EPSTI1: variants seen among roughly 807,000 people sequenced by gnomAD.
EPSTI1 encodes epithelial stromal interaction 1.
In EPSTI1, 66 loss-of-function variants were observed where a neutral mutation model predicts 49.9. The ratio of observed to expected loss-of-function variants is 1.32; its 90% CI spans 1.08 to 1.62. The LOEUF (loss-of-function observed/expected upper bound fraction) is 1.62, where lower values mean the gene tolerates loss of function less well. Among genes scored for constraint, EPSTI1 ranks in the 40% most tolerant of loss-of-function variants. The pLI is 0.00. For missense variants in EPSTI1, 394 were observed against 365.5 expected (o/e 1.08, Z -0.64); for synonymous variants, 137 against 130.7 (o/e 1.05, Z -0.33).
chr13:42,888,773 C>T (rs1276495130), intron 10 of EPSTI1, among the ~76,000 whole-genome samples: 1 of 152,062 alleles, frequency 6.6e-6, no homozygotes, highest in African/African-American at 2.4e-5. Context: ...ACAGAGGTGA[C>T]AAATATACAG....
At position 42,888,498 on chromosome 13, in the gene EPSTI1, A is replaced by G; in HGVS notation, c.920T>C (p.Ile307Thr). ...WNMNSGNSWGI is the reference protein window; with the variant it reads ...WNMNSGNSWGT ...CAGATAGGAGTCAATATTTTCTCAT[A>G]TACCCTGGAAGAAAAAGAAAACAAA... Residue 307 changes from isoleucine (I) to threonine (T), a missense_variant, in exon 11 of 11, where the codon ATA becomes ACA. By Grantham distance (89) the Ile-to-Thr change is moderately conservative. Transcript: ENST00000313624. 6.2e-7 allele frequency: 1 copy of G among 1,601,006 alleles called. No individual in the cohort carries two copies. The highest frequency in any genetic ancestry group is 8.5e-7 in the Non-Finnish European group (1 of 1,173,248).
At chr13:42,973,480 C>T (rs1025490891) in intron 1 of EPSTI1, among the ~76,000 whole-genome samples, 3 of 152,118 alleles carry the variant, frequency 2.0e-5, no homozygotes, top group Non-Finnish European at 4.4e-5. Flanking sequence ...TTATAATAGT[C>T]CCAAGAAAGC....
chr13:42,965,685 C>G (rs111618243), intron 3 of EPSTI1, among the ~76,000 whole-genome samples: 49 of 3,818 alleles, frequency 0.013, 6 homozygotes, highest in African/African-American at 0.039. Context: ...CCCTGTCCCT[C>G]TCCCTCTCCC....
intron 10 of EPSTI1, among the ~76,000 whole-genome samples, chr13:42,894,648 G>A (rs2037133565): frequency 6.9e-6 from 1 of 145,312 alleles, no homozygotes; most frequent in Non-Finnish European, 1.5e-5. Flanking sequence ...ACTAGAGAAT[G>A]CTTATTATTT....
At chr13:42,974,615 C>T (rs1419016590) in intron 1 of EPSTI1, among the ~76,000 whole-genome samples, 1 of 150,482 alleles carries the variant, frequency 6.6e-6, no homozygotes, top group Non-Finnish European at 1.5e-5. Context: ...GCCGAGATTG[C>T]GCCACTGCAC....
At chr13:42,959,943 A>C (rs560985715) in intron 5 of EPSTI1, among the ~76,000 whole-genome samples, 1 of 152,348 alleles carries the variant, frequency 6.6e-6, no homozygotes, top group Admixed American at 6.5e-5. Context: ...TTCCCTAAAC[A>C]ATATAGTATA....
chr13:42,888,539 C>G (rs769797428), intron 10 of EPSTI1, 37 bp from the exon 11 acceptor site: 1 of 1,570,834 alleles, frequency 6.4e-7, no homozygotes, highest in Non-Finnish European at 8.6e-7. Context: ...CTGCAAGCAG[C>G]AAAATAAAAT....
rs144162674 is a variant in EPSTI1 at position 42,976,095 on chromosome 13, A to T, written c.189-5425T>A. Among the ~76,000 whole-genome samples the T allele has an allele frequency of 1.2e-3, 190 of 152,352 alleles. 1 individual carries two copies. Among genetic ancestry groups the T allele is most frequent in the African/African-American group, 4.3e-3 (179 of 41,588 alleles). On this transcript the variant is annotated intron_variant, in intron 1 of 10. Coordinates refer to ENST00000313624, the MANE Select transcript of EPSTI1 (RefSeq NM_033255.5). ...TAATAAGTTAGCCTGTTACTGTTTC[A>T]CAGACACTGGCAGAAGACATGAAAT...
rs770259862 is a variant in EPSTI1 at position 42,992,009 on chromosome 13, G to C, written c.157C>G (p.Arg53Gly). Reference sequence around the variant, plus strand: ...TGGCCCGCGTGCACGACGCTCTCCCGCGAAGGGCCCTTAGGGGCTGCCTCC... The same window carrying C: ...TGGCCCGCGTGCACGACGCTCTCCCCCGAAGGGCCCTTAGGGGCTGCCTCC... ...GLEAAPKGPS[R>G]ESVVHAGQRR... Residue 53 changes from arginine to glycine, a missense_variant, in exon 1 of 11, where the codon CGG (arginine) becomes GGG (glycine). Physicochemically the swap from Arg to Gly is moderately radical, Grantham distance 125. Coordinates refer to ENST00000313624, the MANE Select transcript of EPSTI1 (RefSeq NM_033255.5). The C allele has an allele frequency of 2.7e-5, 43 of 1,613,324 alleles. No individual in the cohort carries two copies. In the East Asian group the frequency reaches 8.7e-4, roughly 33 times the overall value.
intron 6 of EPSTI1, among the ~76,000 whole-genome samples, chr13:42,932,651 T>G (rs1051436018): frequency 6.6e-6 from 1 of 151,616 alleles, no homozygotes; most frequent in Non-Finnish European, 1.5e-5. Flanking sequence ...TTGGCAAGAT[T>G]AATTTACATA....
At chr13:42,943,277 C>A (rs1338807963) in intron 6 of EPSTI1, among the ~76,000 whole-genome samples, 1 of 152,162 alleles carries the variant, frequency 6.6e-6, no homozygotes, top group Non-Finnish European at 1.5e-5. Flanking sequence ...CTTAGTGAAT[C>A]TTATGCATCA....
chr13:42,936,004 T>C (rs2038550460), intron 6 of EPSTI1, among the ~76,000 whole-genome samples: 1 of 152,210 alleles, frequency 6.6e-6, no homozygotes, highest in Non-Finnish European at 1.5e-5. Flanking sequence ...CAACACGAAA[T>C]CTTTTAAGTC....
intron 8 of EPSTI1, among the ~76,000 whole-genome samples, chr13:42,908,696 G>A (rs2153414953): frequency 6.6e-6 from 1 of 152,164 alleles, no homozygotes; most frequent in South Asian, 2.1e-4. Context: ...GAAAATATCT[G>A]TAAACTATAC....
chr13:42,925,661 A>T (rs2038148747), intron 7 of EPSTI1, among the ~76,000 whole-genome samples: 1 of 152,130 alleles, frequency 6.6e-6, no homozygotes, highest in African/African-American at 2.4e-5. Flanking sequence ...GCAGCTACAT[A>T]ACTCTTCTTC....
intron 1 of EPSTI1, among the ~76,000 whole-genome samples, chr13:42,977,111 C>G (rs192041638): frequency 6.6e-6 from 1 of 152,292 alleles, no homozygotes; most frequent in African/African-American, 2.4e-5. Flanking sequence ...AGAACATTAT[C>G]CAGAAGAAAA....
intron 1 of EPSTI1, among the ~76,000 whole-genome samples, chr13:42,978,209 T>C (rs2039918809): frequency 6.6e-6 from 1 of 151,812 alleles, no homozygotes; most frequent in Non-Finnish European, 1.5e-5. Flanking sequence ...ATGACACAGC[T>C]TCAAGAGGCC....
intron 6 of EPSTI1, among the ~76,000 whole-genome samples, chr13:42,945,709 T>C (rs1472113425): frequency 6.6e-6 from 1 of 152,136 alleles, no homozygotes; most frequent in African/African-American, 2.4e-5. Flanking sequence ...ACACAGGCCA[T>C]GATTCAAGTG....
At chr13:42,985,074 A>C (rs1474267640) in intron 1 of EPSTI1, among the ~76,000 whole-genome samples, 1 of 152,172 alleles carries the variant, frequency 6.6e-6, no homozygotes, top group African/African-American at 2.4e-5. Flanking sequence ...AAGTGGGAGC[A>C]GGGGTAGGGA....
intron 7 of EPSTI1, among the ~76,000 whole-genome samples, chr13:42,919,584 C>A (rs189938381): frequency 6.6e-6 from 1 of 152,158 alleles, no homozygotes; most frequent in Non-Finnish European, 1.5e-5. Flanking sequence ...TGTCAGGACA[C>A]GATCCCAGGC....
Sources: allele counts gnomAD v4.1 joint callset (sites outside exome capture counted in the v4.1 genomes callset), GRCh38; gene constraint gnomAD v4.1.1; transcripts MANE v1.5; gene names NCBI Gene and HGNC (gene_info 2026-07-23, HGNC 2026-07-21).